MEF2C: variants seen among roughly 807,000 people sequenced by gnomAD.
MEF2C encodes myocyte enhancer factor 2C.
A neutral mutation model predicts 50.5 loss-of-function variants in MEF2C; 6 were observed. The observed-to-expected ratio is 0.12, with a 90% CI of 0.07 to 0.23. MEF2C has a LOEUF of 0.23. Among genes scored for constraint, MEF2C ranks in the 10% least tolerant of loss-of-function variants. MEF2C has a pLI of 1.00. For missense variants in MEF2C, 276 were observed against 605.0 expected, an observed-to-expected ratio of 0.46 and a Z score of 5.70; for synonymous variants, 183 against 228.0, an observed-to-expected ratio of 0.80 and a Z score of 1.78.
chr5:88,735,862 T>C, intron 6 of MEF2C: 1 of 985,416 alleles, frequency 1.0e-6, no homozygotes, highest in Non-Finnish European at 1.2e-6. Context: ...TAGCTCTCTT[T>C]GAGCTCAAAG....
At chr5:88,779,674 C>T (rs762007414) in intron 3 of MEF2C, among the ~76,000 whole-genome samples, 1 of 150,506 alleles carries the variant, frequency 6.6e-6, no homozygotes, top group Non-Finnish European at 1.5e-5. Context: ...AATTATTTCT[C>T]GTTAGATGTA....
At position 88,730,196 on chromosome 5, in the gene MEF2C, G is replaced by A. The variant is rs140447603; in HGVS notation, c.834+15C>T. The A allele has an allele frequency of 2.6e-4, 411 of 1,580,340 alleles. 2 individuals are homozygous for A. In the African/African-American group the frequency reaches 4.2e-3, roughly 16 times the overall value. On this transcript the variant is annotated intron_variant, in intron 8 of 10. Coordinates refer to ENST00000504921, the MANE Select transcript of MEF2C (RefSeq NM_002397.5). ...TTTGCACATGCCATTTGAGGGAAGC[G>A]CTCTCACCACTTACCAAAAGCAGGT...
intron 1 of MEF2C, among the ~76,000 whole-genome samples, chr5:88,850,023 T>C (rs958797352): frequency 6.6e-6 from 1 of 152,156 alleles, no homozygotes; most frequent in Non-Finnish European, 1.5e-5. Flanking sequence ...GCCATGTTGG[T>C]GTGCTGCACC....
intron 1 of MEF2C, among the ~76,000 whole-genome samples, chr5:88,874,190 C>T (rs10061297): frequency 0.09 from 13,659 of 151,902 alleles, 786 homozygotes; most frequent in Middle Eastern, 0.26. Flanking sequence ...ACGTTTTAAT[C>T]GGGTATAGTT....
intron 3 of MEF2C, among the ~76,000 whole-genome samples, chr5:88,773,294 T>C (rs1454456505): frequency 3.3e-5 from 5 of 151,536 alleles, no homozygotes; most frequent in African/African-American, 4.9e-5. Context: ...TAAAAACACA[T>C]AGAGGGCACT....
At chr5:88,777,156 T>C (rs1344692583) in intron 3 of MEF2C, among the ~76,000 whole-genome samples, 1 of 152,224 alleles carries the variant, frequency 6.6e-6, no homozygotes, top group Non-Finnish European at 1.5e-5. Flanking sequence ...TGCAAAATCA[T>C]TTCTTCCAGA....
intron 6 of MEF2C, chr5:88,743,196 G>T (rs753324911): frequency 3.1e-6 from 3 of 963,910 alleles, no homozygotes; most frequent in Non-Finnish European, 3.7e-6. Context: ...TTATTTGAGG[G>T]TAATTAAGTA....
intron 6 of MEF2C, chr5:88,742,031 G>GT (rs1767068822): frequency 1.0e-6 from 1 of 985,344 alleles, no homozygotes; most frequent in Non-Finnish European, 1.2e-6. Flanking sequence ...AACATACTAT[G>GT]TAAGTGTAAC....
intron 1 of MEF2C, among the ~76,000 whole-genome samples, chr5:88,874,576 T>C (rs1192270667): frequency 6.6e-6 from 1 of 151,992 alleles, no homozygotes; most frequent in Non-Finnish European, 1.5e-5. Context: ...AGCTGCCTTA[T>C]ACATTTTTTA....
At chr5:88,757,616 T>A (rs1372367199) in intron 4 of MEF2C, among the ~76,000 whole-genome samples, 3 of 151,958 alleles carry the variant, frequency 2.0e-5, no homozygotes, top group Non-Finnish European at 4.4e-5. Flanking sequence ...CTAAACTAAA[T>A]ACATTAAAAA....
intron 1 of MEF2C, among the ~76,000 whole-genome samples, chr5:88,831,843 A>G (rs151073474): frequency 2.2e-4 from 34 of 152,188 alleles, no homozygotes; most frequent in African/African-American, 8.2e-4. Flanking sequence ...CTCTGATGAC[A>G]ATTTGTTTAA....
chr5:88,774,528 T>C lies in MEF2C; in HGVS notation c.259-13200A>G, dbSNP rs531363894. ...TAGTAGAGACGGGGTTTCACCGTGTTAGCCAGCATGGTCTCGATCTCCTGA... is the reference window on the plus strand; with the variant it reads ...TAGTAGAGACGGGGTTTCACCGTGTCAGCCAGCATGGTCTCGATCTCCTGA... On this transcript the variant is annotated intron_variant, in intron 3 of 10. Transcript: ENST00000504921. Among the ~76,000 whole-genome samples, 3 of 152,218 alleles carry C rather than the reference T, an allele frequency of 2.0e-5. No homozygotes were observed. In the East Asian group the frequency reaches 5.8e-4, roughly 29 times the overall value.
intron 2 of MEF2C, among the ~76,000 whole-genome samples, 178 bp downstream of exon 2, chr5:88,823,557 A>G (rs1809461432): frequency 6.6e-6 from 1 of 151,938 alleles, no homozygotes; most frequent in South Asian, 2.1e-4. Context: ...TGACAGATAA[A>G]GTGATTTTTT....
intron 5 of MEF2C, among the ~76,000 whole-genome samples, chr5:88,750,464 T>A (rs1772177623): frequency 6.6e-6 from 1 of 152,126 alleles, no homozygotes. Context: ...CACCTCAGCC[T>A]CCTAAAGTGT....
Position 88,722,075 on chromosome 5 carries a change from G to A in MEF2C, c.*529C>T, listed in dbSNP as rs557823993. 4 of 152,944 alleles carry A rather than the reference G, an allele frequency of 2.6e-5. No individual in the cohort carries two copies. The highest frequency in any genetic ancestry group is 4.4e-5 in the Non-Finnish European group (3 of 68,428). The allele number at this position is 152,944 out of a possible 1,614,324, so 9.5% of individuals were successfully genotyped here. A position where few individuals can be genotyped will look rare whatever the true frequency, so the allele number is the denominator to read the frequency against. On this transcript the variant is annotated 3_prime_UTR_variant, in exon 11 of 11. Transcript: ENST00000504921. ...TGATCCTTTTTAATGAGTGCCATAC[G>A]CCAATGATATGCCTGCAGGTTTGTG... is the stretch of plus-strand genomic sequence containing the variant.
chr5:88,886,934 C>T (rs760473662), upstream of MEF2C, among the ~76,000 whole-genome samples: 3 of 152,212 alleles, frequency 2.0e-5, no homozygotes, highest in Non-Finnish European at 4.4e-5. Context: ...CAGCGGTCCA[C>T]TAAAGCCCTG....
At chr5:88,863,742 T>C (rs1826280079) in intron 1 of MEF2C, among the ~76,000 whole-genome samples, 1 of 152,230 alleles carries the variant, frequency 6.6e-6, no homozygotes, top group Non-Finnish European at 1.5e-5. Context: ...CACACAGTAT[T>C]TGTCTCTCTG....
Position 88,718,339 on chromosome 5 carries a change from C to T in MEF2C, c.*4265G>A, listed in dbSNP as rs1755207996. The T allele has an allele frequency of 6.6e-6, 1 of 152,122 alleles. No individual in the cohort carries two copies. Among genetic ancestry groups the T allele is most frequent in the South Asian group, 2.1e-4 (1 of 4,828 alleles). The allele number at this position is 152,122 out of a possible 1,614,324, so 9.4% of individuals were successfully genotyped here. On this transcript the variant is annotated 3_prime_UTR_variant, in exon 11 of 11. Transcript: ENST00000504921. The stretch of plus-strand genomic sequence containing the variant: ...CTTTTGAAAATTTCCCACTTTTATT[C>T]ACTACAGACAGCTGAATTAAGTCCC...
intron 7 of MEF2C, 45 bp downstream of exon 7, chr5:88,731,684 T>C: frequency 6.5e-7 from 1 of 1,541,468 alleles, no homozygotes; most frequent in Non-Finnish European, 8.9e-7. Flanking sequence ...GCAAAACATA[T>C]ACAAAACATT....
Sources: gnomAD v4.1 joint callset for allele counts (sites outside exome capture counted in the v4.1 genomes callset) on GRCh38, gnomAD v4.1.1 for gene constraint, MANE v1.5 for transcripts, NCBI Gene and HGNC (gene_info 2026-07-23, HGNC 2026-07-21) for gene names.